ATG7: variants seen among roughly 807,000 people sequenced by gnomAD.
ATG7 encodes autophagy related 7, also known as ubiquitin-like modifier-activating enzyme ATG7.
In ATG7, 70 loss-of-function variants were observed where a neutral mutation model predicts 82.4. The observed-to-expected ratio is 0.85, with a 90% CI of 0.70 to 1.04. The LOEUF is 1.04. Among genes scored for constraint, ATG7 ranks in the 50% least tolerant of loss-of-function variants. ATG7 has a pLI of 0.00. For synonymous variants in ATG7, 287 were observed against 313.0 expected (o/e 0.92, Z 0.88); for missense variants, 792 against 864.3 (o/e 0.92, Z 1.05).
At chr3:11,299,134 C>T in intron 4 of ATG7, 1 of 599,772 alleles carries the variant, frequency 1.7e-6, no homozygotes, top group Non-Finnish European at 2.9e-6. Context: ...ATATTTTTTC[C>T]ATTGAATCTT....
intron 20 of ATG7, among the ~76,000 whole-genome samples, chr3:11,437,802 C>T (rs142130711): frequency 1.6e-3 from 247 of 152,228 alleles, no homozygotes; most frequent in African/African-American, 5.1e-3. Flanking sequence ...TTATATACAG[C>T]GGCACCTCAC....
chr3:11,329,328 G>T (rs1951317956), intron 9 of ATG7, among the ~76,000 whole-genome samples: 1 of 152,168 alleles, frequency 6.6e-6, no homozygotes, highest in Non-Finnish European at 1.5e-5. Context: ...ATAAAAGGGA[G>T]TGTTTAGGGT....
intron 20 of ATG7, chr3:11,488,576 G>C (rs1163975775): frequency 4.2e-6 from 3 of 719,450 alleles, no homozygotes; most frequent in Non-Finnish European, 3.7e-6. Flanking sequence ...CGGCCACCAT[G>C]GCCGGACGGG....
intron 19 of ATG7, among the ~76,000 whole-genome samples, chr3:11,419,834 A>G (rs573635892): frequency 3.9e-5 from 6 of 152,342 alleles, no homozygotes; most frequent in Non-Finnish European, 7.3e-5. Context: ...GTGTGTGTTC[A>G]TAGAGAAAAC....
chr3:11,407,520 G>C (rs2152907470), intron 19 of ATG7, among the ~76,000 whole-genome samples: 1 of 152,256 alleles, frequency 6.6e-6, no homozygotes, highest in East Asian at 1.9e-4. Flanking sequence ...TCTGTGTGGG[G>C]GCTCTCACCC....
intron 9 of ATG7, among the ~76,000 whole-genome samples, chr3:11,317,584 C>CTTTTTTTTTTTTTTTTTT (rs370026914): frequency 8.7e-6 from 1 of 114,482 alleles, no homozygotes. Context: ...TTCTTTCTTT[C>CTTTTTTTTTTTTTTTTTT]TTTTTTTTTT....
At chr3:11,401,334 T>C (rs984622107) in intron 19 of ATG7, among the ~76,000 whole-genome samples, 8 of 152,260 alleles carry the variant, frequency 5.3e-5, no homozygotes, top group African/African-American at 1.9e-4. Context: ...TTTTCTTCAA[T>C]GTTGACATCT....
At chr3:11,540,347 G>A (rs932307102) in intron 20 of ATG7, among the ~76,000 whole-genome samples, 14 of 152,066 alleles carry the variant, frequency 9.2e-5, no homozygotes, top group African/African-American at 3.4e-4. Context: ...GTATTTATTT[G>A]CCACCTGTAG....
intron 20 of ATG7, chr3:11,529,877 A>C (rs1029411102): frequency 3.9e-5 from 6 of 152,158 alleles, no homozygotes; most frequent in Admixed American, 3.9e-4. Flanking sequence ...TGGCTCTGTC[A>C]CCTTTTGCTC....
chr3:11,334,613 C>T (rs1952121969), intron 11 of ATG7, among the ~76,000 whole-genome samples: 1 of 147,918 alleles, frequency 6.8e-6, no homozygotes, highest in Non-Finnish European at 1.5e-5. Flanking sequence ...TTCCTTATGC[C>T]ATAGATATGC....
rs377450426 is a variant in ATG7 at position 11,426,886 on chromosome 3, C to A, written c.2039C>A (p.Thr680Asn). The change falls in exon 20 of 21, where the codon ACT becomes AAT. Residue 680 changes from threonine to asparagine, a missense_variant. By Grantham distance (65) the Thr-to-Asn change is moderately conservative. Transcript: ENST00000693202. ...TCACATTCCTTCTTAGAAGACTTGA[C>A]TGGTCTTACATTGCTGCATCAAGAA... ...NSSHSFLEDL[T>N]GLTLLHQETQ... 15 of 1,611,266 alleles carry A rather than the reference C, an allele frequency of 9.3e-6. No homozygotes were observed. Among genetic ancestry groups the A allele is most frequent in the Non-Finnish European group, 1.2e-5 (14 of 1,178,930 alleles).
At chr3:11,506,494 G>C (rs1193797710) in intron 20 of ATG7, among the ~76,000 whole-genome samples, 1 of 134,002 alleles carries the variant, frequency 7.5e-6, no homozygotes, top group Admixed American at 8.9e-5. Context: ...AAGGTGGGCA[G>C]ATCACTTGAG....
intron 20 of ATG7, among the ~76,000 whole-genome samples, chr3:11,547,985 G>A (rs1254545228): frequency 6.6e-6 from 1 of 152,030 alleles, no homozygotes; most frequent in Non-Finnish European, 1.5e-5. Flanking sequence ...GGGACTATAG[G>A]TGTGCACCAC....
chr3:11,382,458 A>C (rs1293801693), intron 19 of ATG7, among the ~76,000 whole-genome samples: 2 of 152,218 alleles, frequency 1.3e-5, no homozygotes, highest in Non-Finnish European at 2.9e-5. Context: ...GAATTGTTCC[A>C]TCTTAGGGGA....
chr3:11,369,073 C>T (rs1575759443), intron 18 of ATG7, among the ~76,000 whole-genome samples: 1 of 150,860 alleles, frequency 6.6e-6, no homozygotes, highest in East Asian at 1.9e-4. Context: ...TGAGGTGGAG[C>T]TGGGATCTCT....
Position 11,282,244 on chromosome 3 carries a change from G to A in ATG7, c.-205G>A, listed in dbSNP as rs1357263165. 1 of 152,200 alleles carries A rather than the reference G, an allele frequency of 6.6e-6. No homozygotes were observed. Among genetic ancestry groups the A allele is most frequent in the Non-Finnish European group, 1.5e-5 (1 of 68,044 alleles). 9.4% of individuals were successfully genotyped at this position (152,200 alleles called of 1,614,324 possible). ...TCCAGTGCATCCGTTCTCAAAAACT[G>A]AAGCTGATGGACACCAGATTGCATG... is the stretch of plus-strand genomic sequence containing the variant. On this transcript the variant is annotated 5_prime_UTR_variant, in exon 3 of 21. An upstream open reading frame in the 5' UTR loses its in-frame stop. Transcript: ENST00000693202.
chr3:11,552,998 A>G (rs578037516), intron 20 of ATG7, among the ~76,000 whole-genome samples: 3 of 152,192 alleles, frequency 2.0e-5, no homozygotes, highest in East Asian at 3.9e-4. Flanking sequence ...CCAACCACCC[A>G]TTTGCAGAGG....
At chr3:11,375,595 T>C (rs1041665613) in intron 18 of ATG7, among the ~76,000 whole-genome samples, 4 of 152,234 alleles carry the variant, frequency 2.6e-5, no homozygotes, top group Non-Finnish European at 5.9e-5. Flanking sequence ...AGCCTTGCTC[T>C]GTCATCCAAG....
chr3:11,387,387 CT>C (rs1407497872), intron 19 of ATG7, among the ~76,000 whole-genome samples: 1 of 152,166 alleles, frequency 6.6e-6, no homozygotes, highest in African/African-American at 2.4e-5. Context: ...ATGATTACTC[CT>C]TTCCCTGTCA....
Sources: allele counts gnomAD v4.1 joint callset (sites outside exome capture counted in the v4.1 genomes callset), GRCh38; gene constraint gnomAD v4.1.1; transcripts MANE v1.5; gene names NCBI Gene and HGNC (gene_info 2026-07-23, HGNC 2026-07-21).